DOK6: variants seen among roughly 807,000 people sequenced by gnomAD.
The protein encoded by DOK6 is docking protein 6, also known as downstream of tyrosine kinase 6.
A neutral mutation model predicts 44.0 loss-of-function variants in DOK6; 22 were observed. That is an observed-to-expected ratio of 0.50 (90% CI 0.36 to 0.71). DOK6 has a LOEUF of 0.71. Among genes scored for constraint, DOK6 ranks in the 30% least tolerant of loss-of-function variants. The probability of loss-of-function intolerance (pLI) is 0.00; values close to 1 mark genes in which losing one functional copy is unlikely to be tolerated. For missense variants in DOK6, 340 were observed against 416.4 expected, an observed-to-expected ratio of 0.82 and a Z score of 1.60; for synonymous variants, 166 against 145.5, an observed-to-expected ratio of 1.14 and a Z score of -1.01.
chr18:69,477,301 C>G (rs1345480024), intron 1 of DOK6, among the ~76,000 whole-genome samples: 1 of 152,174 alleles, frequency 6.6e-6, no homozygotes, highest in East Asian at 1.9e-4. Flanking sequence ...GATGCTGAGA[C>G]AAGTTTGTCC....
chr18:69,513,279 G>C (rs746377627), intron 1 of DOK6, among the ~76,000 whole-genome samples: 3 of 152,106 alleles, frequency 2.0e-5, no homozygotes, highest in Non-Finnish European at 2.9e-5. Context: ...TCTGTCCTTT[G>C]GTCAAAAGCT....
chr18:69,678,934 T>A (rs1278418495), intron 4 of DOK6, among the ~76,000 whole-genome samples: 1 of 152,130 alleles, frequency 6.6e-6, no homozygotes, highest in African/African-American at 2.4e-5. Flanking sequence ...TCCCAGCACT[T>A]TAGGAGGCAG....
Position 69,657,218 on chromosome 18 carries a change from T to C in DOK6, c.290-20516T>C, listed in dbSNP as rs1008016474. ...GAAGGATGACTGCGATGTGTTGGGT[T>C]GGATTATTGTTCCTCATGCCTGCCT... On this transcript the variant is annotated intron_variant, in intron 3 of 7. Coordinates refer to ENST00000382713, the MANE Select transcript of DOK6 (RefSeq NM_152721.6). Among the ~76,000 whole-genome samples the C allele has an allele frequency of 2.0e-5, 3 of 152,190 alleles. No homozygotes were observed. The South Asian group carries it at 6.2e-4, about 32-fold the overall frequency.
intron 2 of DOK6, among the ~76,000 whole-genome samples, chr18:69,583,566 G>A (rs951639237): frequency 3.3e-5 from 5 of 152,008 alleles, no homozygotes; most frequent in Middle Eastern, 3.4e-3. Context: ...AATTTTTCAC[G>A]GGTTGAGCTG....
chr18:69,818,725 C>A (rs1981476497), intron 7 of DOK6, among the ~76,000 whole-genome samples: 1 of 152,212 alleles, frequency 6.6e-6, no homozygotes. Context: ...CCACCACAGC[C>A]TGTATACAGT....
chr18:69,487,878 C>G (rs1980627280), intron 1 of DOK6, among the ~76,000 whole-genome samples: 1 of 151,916 alleles, frequency 6.6e-6, no homozygotes, highest in Non-Finnish European at 1.5e-5. Flanking sequence ...CACAAAAACT[C>G]TTTCTGGTGT....
chr18:69,611,915 A>G (rs1200502889), intron 3 of DOK6, among the ~76,000 whole-genome samples: 2 of 149,556 alleles, frequency 1.3e-5, no homozygotes, highest in Non-Finnish European at 3.0e-5. Context: ...TGGTGCGTAC[A>G]CAAACCTCCA....
chr18:69,537,121 C>G (rs1225866374), intron 1 of DOK6, among the ~76,000 whole-genome samples: 1 of 151,990 alleles, frequency 6.6e-6, no homozygotes, highest in African/African-American at 2.4e-5. Context: ...TAAGCGTGAG[C>G]CACCTCATCC....
At chr18:69,671,551 G>GA (rs1985799446) in intron 3 of DOK6, among the ~76,000 whole-genome samples, 1 of 152,066 alleles carries the variant, frequency 6.6e-6, no homozygotes, top group Non-Finnish European at 1.5e-5. Context: ...GAGGTTGAAA[G>GA]AAAAAATAGC....
At chr18:69,699,926 G>C (rs953414851) in intron 5 of DOK6, among the ~76,000 whole-genome samples, 1 of 151,972 alleles carries the variant, frequency 6.6e-6, no homozygotes, top group Non-Finnish European at 1.5e-5. Context: ...AGTCCCACGT[G>C]GCTAAGGAGG....
chr18:69,472,914 T>C (rs1443233942), intron 1 of DOK6, among the ~76,000 whole-genome samples: 1 of 152,240 alleles, frequency 6.6e-6, no homozygotes, highest in African/African-American at 2.4e-5. Flanking sequence ...GTTGTATGTT[T>C]CGTTCTTATC....
intron 1 of DOK6, among the ~76,000 whole-genome samples, chr18:69,471,164 C>G (rs995619713): frequency 2.8e-5 from 4 of 142,616 alleles, no homozygotes; most frequent in Non-Finnish European, 6.0e-5. Context: ...GCAGGAGAAT[C>G]GCTTGAACCT....
chr18:69,835,484 C>CAA (rs5825973), intron 7 of DOK6, among the ~76,000 whole-genome samples: 7 of 148,404 alleles, frequency 4.7e-5, no homozygotes, highest in South Asian at 2.2e-4. Context: ...ACAACAACAA[C>CAA]AAAAAAAAAA....
At position 69,599,279 on chromosome 18, in the gene DOK6, C is replaced by T; in HGVS notation, c.175-105C>T. ...TCAATTCAGAATGAGTACAAATATC[C>T]CGTGGAAATTCATGTAAGACTGTGA... On this transcript the variant is annotated intron_variant, in intron 2 of 7. Transcript: ENST00000382713. The T allele has an allele frequency of 3.8e-6, 3 of 796,596 alleles. No individual in the cohort carries two copies. The South Asian group carries it at 6.1e-5, about 16-fold the overall frequency. 49.3% of individuals were successfully genotyped at this position (796,596 alleles called of 1,614,324 possible).
chr18:69,552,077 T>A (rs2144589240), intron 1 of DOK6, among the ~76,000 whole-genome samples: 1 of 152,284 alleles, frequency 6.6e-6, no homozygotes, highest in Admixed American at 6.5e-5. Context: ...TAGGAGAGGA[T>A]TTTAAAAAAT....
chr18:69,831,969 C>T (rs1028072180), intron 7 of DOK6, among the ~76,000 whole-genome samples: 1 of 152,118 alleles, frequency 6.6e-6, no homozygotes, highest in African/African-American at 2.4e-5. Context: ...AATATGAGAT[C>T]ATAACAACTT....
chr18:69,713,875 T>C (rs9675885), intron 5 of DOK6, among the ~76,000 whole-genome samples: 2,483 of 152,294 alleles, frequency 0.016, 79 homozygotes, highest in African/African-American at 0.057. Flanking sequence ...CTGAATCACA[T>C]AGGATTAAGC....
chr18:69,515,807 T>C (rs4517880), intron 1 of DOK6, among the ~76,000 whole-genome samples: 93,668 of 152,004 alleles, frequency 0.62, 29,544 homozygotes, highest in Non-Finnish European at 0.69. Flanking sequence ...TAACAATATA[T>C]ACATACATGT....
At chr18:69,593,904 C>A (rs1342999584) in intron 2 of DOK6, among the ~76,000 whole-genome samples, 1 of 152,026 alleles carries the variant, frequency 6.6e-6, no homozygotes, top group Non-Finnish European at 1.5e-5. Context: ...AATTCTTAAG[C>A]CACACATAAT....
Sources: allele counts gnomAD v4.1 joint callset (sites outside exome capture counted in the v4.1 genomes callset), GRCh38; gene constraint gnomAD v4.1.1; transcripts MANE v1.5; gene names NCBI Gene and HGNC (gene_info 2026-07-23, HGNC 2026-07-21).